Variants in CAMTA1 observed in about 807,000 individuals in gnomAD.
CAMTA1 encodes calmodulin binding transcription activator 1.
A neutral mutation model predicts 170.9 loss-of-function variants in CAMTA1; 27 were observed. The observed-to-expected ratio is 0.16, with a 90% confidence interval of 0.12 to 0.22. The LOEUF (loss-of-function observed/expected upper bound fraction) is 0.22. CAMTA1 is among the 10% of genes least tolerant of loss of function. The pLI is 1.00. For missense variants in CAMTA1, 1,619 were observed against 2,217.2 expected (o/e 0.73, Z 5.42); for synonymous variants, 833 against 891.5 (o/e 0.93, Z 1.17).
At chr1:7,753,633 C>T (rs1040626816) in intron 21 of CAMTA1, among the ~76,000 whole-genome samples, 1 of 152,124 alleles carries the variant, frequency 6.6e-6, no homozygotes, top group African/African-American at 2.4e-5. Context: ...TGTACTTTTA[C>T]TTAAATTAAC....
intron 3 of CAMTA1, among the ~76,000 whole-genome samples, chr1:7,046,984 C>T (rs2101529758): frequency 6.6e-6 from 1 of 152,316 alleles, no homozygotes; most frequent in East Asian, 1.9e-4. Context: ...AACTCTTCCT[C>T]CCTGCCCCCT....
At chr1:7,270,204 C>CAT (rs1235967376) in intron 5 of CAMTA1, among the ~76,000 whole-genome samples, 1 of 135,138 alleles carries the variant, frequency 7.4e-6, no homozygotes, top group Non-Finnish European at 1.5e-5. Context: ...TATATATACA[C>CAT]ATATATATAC....
intron 6 of CAMTA1, among the ~76,000 whole-genome samples, chr1:7,478,538 G>T (rs1454885439): frequency 2.0e-5 from 3 of 152,212 alleles, no homozygotes; most frequent in Non-Finnish European, 2.9e-5. Flanking sequence ...TTCCGGAGCC[G>T]CAGTTCCTTA....
intron 3 of CAMTA1, among the ~76,000 whole-genome samples, chr1:7,013,455 C>T (rs1440061798): frequency 6.6e-6 from 1 of 152,096 alleles, no homozygotes; most frequent in Non-Finnish European, 1.5e-5. Flanking sequence ...TCAAGTGATC[C>T]ACCCACTTCA....
intron 3 of CAMTA1, among the ~76,000 whole-genome samples, chr1:6,864,451 C>G (rs1665883582): frequency 6.6e-6 from 1 of 152,166 alleles, no homozygotes; most frequent in Non-Finnish European, 1.5e-5. Context: ...TGTTCCCAAG[C>G]CTTTGAGCGG....
At chr1:7,232,277 G>A (rs1662973195) in intron 4 of CAMTA1, among the ~76,000 whole-genome samples, 1 of 74 alleles carries the variant, frequency 0.014, no homozygotes, top group South Asian at 0.5. Flanking sequence ...AGGTGTGGCT[G>A]TGCTGCACAC....
At chr1:7,226,894 A>G (rs112946363) in intron 4 of CAMTA1, among the ~76,000 whole-genome samples, 5,192 of 151,832 alleles carry the variant, frequency 0.034, 229 homozygotes, top group African/African-American at 0.1. Flanking sequence ...GTGCAGTGGC[A>G]CGGTCTCGGC....
chr1:7,407,516 G>A (rs2090387221), intron 5 of CAMTA1, among the ~76,000 whole-genome samples: 1 of 152,168 alleles, frequency 6.6e-6, no homozygotes, highest in Non-Finnish European at 1.5e-5. Flanking sequence ...CCTAGAGAGT[G>A]GAGCCACCTT....
chr1:7,491,552 C>T lies in CAMTA1; in HGVS notation c.510+23651C>T, dbSNP rs902656135. 1.1e-4 allele frequency among the ~76,000 whole-genome samples: 16 copies of T among 152,170 alleles called. No homozygotes were observed. In the South Asian group the frequency reaches 1.4e-3, roughly 14 times the overall value. On this transcript the variant is annotated intron_variant, in intron 6 of 22. Transcript: ENST00000303635. ...TTGGTCATTAGTTAACCAATCTGGG[C>T]GGGGAAAAAGGCAGAGCGTTAAATA...
intron 4 of CAMTA1, among the ~76,000 whole-genome samples, chr1:7,246,212 C>G (rs919304383): frequency 6.6e-6 from 1 of 152,174 alleles, no homozygotes; most frequent in East Asian, 1.9e-4. Context: ...TGCCTGAACA[C>G]TTTGTGGCTA....
At chr1:7,411,586 T>G (rs2090761779) in intron 5 of CAMTA1, among the ~76,000 whole-genome samples, 2 of 151,366 alleles carry the variant, frequency 1.3e-5, no homozygotes. Flanking sequence ...ATAACTTTCT[T>G]TTTTTTTAAG....
chr1:7,361,673 G>A (rs114012825), intron 5 of CAMTA1, among the ~76,000 whole-genome samples: 164 of 152,304 alleles, frequency 1.1e-3, no homozygotes, highest in African/African-American at 3.8e-3. Context: ...GGAAGGTTGG[G>A]GGTACATTAA....
At chr1:7,583,431 A>T (rs1396983043) in intron 6 of CAMTA1, among the ~76,000 whole-genome samples, 1 of 152,110 alleles carries the variant, frequency 6.6e-6, no homozygotes, top group Non-Finnish European at 1.5e-5. Flanking sequence ...TGGGGGCTGC[A>T]GGATTTTGGC....
intron 5 of CAMTA1, among the ~76,000 whole-genome samples, chr1:7,362,233 C>T (rs1216632156): frequency 6.6e-6 from 1 of 152,246 alleles, no homozygotes; most frequent in Non-Finnish European, 1.5e-5. Flanking sequence ...AATTGATGAA[C>T]TTGAGCAGAG....
At chr1:6,821,124 A>AG (rs1646440381) in intron 2 of CAMTA1, among the ~76,000 whole-genome samples, 1 of 152,210 alleles carries the variant, frequency 6.6e-6, no homozygotes, top group South Asian at 2.1e-4. Context: ...AAGAACAAGA[A>AG]GGGGATTGTT....
chr1:7,320,910 C>A (rs1293171640), intron 5 of CAMTA1, among the ~76,000 whole-genome samples: 2 of 152,124 alleles, frequency 1.3e-5, no homozygotes, highest in African/African-American at 4.8e-5. Context: ...CCTAATCCAA[C>A]AGGGGGCCTA....
chr1:7,615,797 G>T (rs2095555277), intron 6 of CAMTA1, among the ~76,000 whole-genome samples: 1 of 152,170 alleles, frequency 6.6e-6, no homozygotes, highest in Non-Finnish European at 1.5e-5. Flanking sequence ...CCACCTCCTG[G>T]CTTTGGCCAG....
At chr1:7,760,346 G>C (rs776610878) in intron 22 of CAMTA1, among the ~76,000 whole-genome samples, 1 of 152,152 alleles carries the variant, frequency 6.6e-6, no homozygotes, top group African/African-American at 2.4e-5. Flanking sequence ...TGAAAATTAC[G>C]CTTACACTTT....
intron 7 of CAMTA1, among the ~76,000 whole-genome samples, chr1:7,654,781 C>T (rs1371335609): frequency 2.4e-5 from 3 of 126,040 alleles, no homozygotes; most frequent in Non-Finnish European, 5.0e-5. Flanking sequence ...AAACACACAC[C>T]TATACCCACA....
Sources: gnomAD v4.1 joint callset for allele counts (sites outside exome capture counted in the v4.1 genomes callset) on GRCh38, gnomAD v4.1.1 for gene constraint, MANE v1.5 for transcripts, NCBI Gene and HGNC (gene_info 2026-07-23, HGNC 2026-07-21) for gene names.